DOP1A: variants seen among roughly 807,000 people sequenced by gnomAD.
DOP1A encodes DOP1 leucine zipper like protein A.
DOP1A carries 90 observed loss-of-function variants against 267.6 expected under a neutral mutation model. The ratio of observed to expected loss-of-function variants is 0.34; its 90% confidence interval spans 0.28 to 0.40. The LOEUF (loss-of-function observed/expected upper bound fraction) is 0.40. DOP1A is among the 10% of genes least tolerant of loss of function. The probability of loss-of-function intolerance (pLI) is 1.00; values close to 1 mark genes in which losing one functional copy is unlikely to be tolerated. For synonymous variants in DOP1A, 932 were observed against 999.1 expected (o/e 0.93, Z 1.27); for missense variants, 2,437 against 2,900.4 (o/e 0.84, Z 3.67).
intron 11 of DOP1A, 102 bp from the exon 12 acceptor site, chr6:83,122,761 A>G: frequency 3.7e-6 from 3 of 801,270 alleles, no homozygotes; most frequent in Non-Finnish European, 5.3e-6. Context: ...CACATTTTCT[A>G]GCAACTACCT....
chr6:83,169,477 G>C, downstream of DOP1A: 2 of 845,356 alleles, frequency 2.4e-6, no homozygotes, highest in Non-Finnish European at 1.8e-6. Flanking sequence ...TCATCTTTCA[G>C]TAACAAATTC....
intron 24 of DOP1A, among the ~76,000 whole-genome samples, chr6:83,144,054 A>G (rs1389417615): frequency 2.6e-5 from 4 of 152,240 alleles, no homozygotes; most frequent in Non-Finnish European, 5.9e-5. Flanking sequence ...CCATAATTCT[A>G]TCTCCAGCCA....
Position 83,140,343 on chromosome 6 carries a change from A to G in DOP1A, c.5355A>G (p.Ser1785=). The G allele has an allele frequency of 1.2e-6, 2 of 1,613,366 alleles. No homozygotes were observed. The highest frequency in any genetic ancestry group is 2.2e-5 in the South Asian group (2 of 91,034). Residue 1785 remains serine (S), a synonymous_variant, in exon 23 of 39, where the codon TCA becomes TCG. Coordinates refer to ENST00000349129, the MANE Select transcript of DOP1A (RefSeq NM_015018.4). ...GCATACTGCATCAAGCTGATTCTTC[A>G]GAAAAGATGACTATTGCCGCATCCG... The part of the protein sequence containing the change: ...LWSILHQADS[S]EKMTIAASAS...
intron 5 of DOP1A, 35 bp downstream of exon 5, chr6:83,109,115 G>A: frequency 1.3e-6 from 2 of 1,589,838 alleles, no homozygotes; most frequent in Non-Finnish European, 1.7e-6. Flanking sequence ...TGTAATTGAA[G>A]TCATGGATTT....
At chr6:83,135,549 T>C (rs934570113) in intron 19 of DOP1A, 70 bp from the exon 20 acceptor site, 40 of 1,451,958 alleles carry the variant, frequency 2.8e-5, no homozygotes, top group Non-Finnish European at 2.8e-6. Context: ...ACAGAATTTA[T>C]TAATTTTATA....
intron 27 of DOP1A, among the ~76,000 whole-genome samples, chr6:83,150,059 C>T (rs981562573): frequency 2.0e-5 from 3 of 152,162 alleles, no homozygotes; most frequent in Non-Finnish European, 4.4e-5. Context: ...AGTGTTGATT[C>T]TTCTTTGAGG....
In DOP1A at chr6:83,152,354, C is replaced by T. The variant is rs1781858609; in HGVS notation, c.6116C>T (p.Thr2039Ile). Reference protein sequence around the residue: ...TPSVYSVHALTLLSEVLAHLL... With the variant: ...TPSVYSVHALILLSEVLAHLL... ...TCTGTATATAGTGTCCATGCATTGA[C>T]ATTACTCTCTGAGGTAAATATTAAG... is the stretch of plus-strand genomic sequence containing the variant. Residue 2039 changes from threonine to isoleucine, a missense_variant, in exon 30 of 39, where the codon ACA becomes ATA. Around this residue, in one of 9 missense-constraint regions of DOP1A, gnomAD observed 216 missense variants for 283.3 expected, o/e 0.76. Transcript: ENST00000349129. 1 of 1,536,940 alleles carries T rather than the reference C, an allele frequency of 6.5e-7. No individual in the cohort carries two copies. The highest frequency in any genetic ancestry group is 8.8e-7 in the Non-Finnish European group (1 of 1,139,756).
chr6:83,113,361 A>T lies in DOP1A; in HGVS notation c.720A>T (p.Val240=). The T allele has an allele frequency of 6.2e-7, 1 of 1,613,886 alleles. No individual in the cohort carries two copies. Among genetic ancestry groups the T allele is most frequent in the South Asian group, 1.1e-5 (1 of 91,062 alleles). ...AVSTSVQDSS[V]LVQRSTLDLI... ...GTACTTCAGTGCAGGACTCAAGTGT[A>T]CTTGTACAGAGAAGCACACTGGACC... Residue 240 remains valine, a synonymous_variant, in exon 7 of 39, where the codon GTA becomes GTT. Coordinates refer to ENST00000349129, the MANE Select transcript of DOP1A (RefSeq NM_015018.4).
At chr6:83,112,558 G>A (rs1335110935) in intron 6 of DOP1A, among the ~76,000 whole-genome samples, 1 of 152,110 alleles carries the variant, frequency 6.6e-6, no homozygotes, top group Non-Finnish European at 1.5e-5. Flanking sequence ...CCACCTCCAG[G>A]GTTCAAGTAA....
rs1445286895 is a variant in DOP1A at position 83,139,253 on chromosome 6, TAAAG to T, written c.5120+92_5120+95del. On this transcript the variant is annotated intron_variant, in intron 21 of 38. Coordinates refer to ENST00000349129, the MANE Select transcript of DOP1A (RefSeq NM_015018.4). ...GAAAGTTGGTCACAACTTGAGTAAA[TAAAG>T]TAATGGTTTTTGGTAGGTTACAAAT... 5 of 1,001,906 alleles carry T rather than the reference TAAAG, an allele frequency of 5.0e-6. No individual in the cohort carries two copies. In the African/African-American group the frequency reaches 6.5e-5, roughly 13 times the overall value. The allele number at this position is 1,001,906 out of a possible 1,614,324, so 62.1% of individuals were successfully genotyped here. A position where few individuals can be genotyped will look rare whatever the true frequency, so the allele number is the denominator to read the frequency against.
chr6:83,113,814 A>G (rs1184340118), intron 7 of DOP1A, among the ~76,000 whole-genome samples: 1 of 152,214 alleles, frequency 6.6e-6, no homozygotes, highest in African/African-American at 2.4e-5. Context: ...CTATAACTTA[A>G]GAGCCACATG....
intron 30 of DOP1A, among the ~76,000 whole-genome samples, chr6:83,152,664 C>G (rs2128338813): frequency 6.8e-6 from 1 of 146,772 alleles, no homozygotes; most frequent in South Asian, 2.1e-4. Flanking sequence ...GTTGCCCAGG[C>G]TGGAGTCAAG....
chr6:83,169,112 G>T, downstream of DOP1A: 2 of 1,488,348 alleles, frequency 1.3e-6, no homozygotes, highest in Non-Finnish European at 1.8e-6. Context: ...CAGATCTAGA[G>T]ACAATCCAGT....
rs117011304 is a variant in DOP1A at position 83,077,449 on chromosome 6, G to A, written c.-147+9670G>A. On this transcript the variant is annotated intron_variant, in intron 1 of 38. Coordinates refer to ENST00000349129, the MANE Select transcript of DOP1A (RefSeq NM_015018.4). ...TTTGGGAGGCCAGGGCAGGAGGATC[G>A]TTTGAGGCCACAAGTTCAAGACCAA... Among the ~76,000 whole-genome samples the A allele has an allele frequency of 3.0e-3, 464 of 152,252 alleles. 7 individuals are homozygous for A. The East Asian group carries it at 0.036, about 12-fold the overall frequency.
rs964827210 is a variant in DOP1A at position 83,162,778 on chromosome 6, T to A, written c.6963-12T>A. 1 of 1,603,228 alleles carries A rather than the reference T, an allele frequency of 6.2e-7. No homozygotes were observed. The highest frequency in any genetic ancestry group is 8.5e-7 in the Non-Finnish European group (1 of 1,175,276). On this transcript the variant is annotated splice_polypyrimidine_tract_variant and intron_variant, in intron 37 of 38. Transcript: ENST00000349129. ...TGTCTTACTGATGCTGATGTCATTA[T>A]TCTATACATAGGTACCGATGGGCCT...
chr6:83,081,705 A>C (rs975571805), intron 1 of DOP1A, among the ~76,000 whole-genome samples: 1 of 152,228 alleles, frequency 6.6e-6, no homozygotes, highest in Non-Finnish European at 1.5e-5. Context: ...TATGAAATTA[A>C]AAAGCTTCTG....
At chr6:83,162,480 C>T (rs145576679) in intron 37 of DOP1A, among the ~76,000 whole-genome samples, 33 of 152,150 alleles carry the variant, frequency 2.2e-4, no homozygotes, top group African/African-American at 8.0e-4. Flanking sequence ...TATGCCTGTT[C>T]GCTAATGAGA....
chr6:83,070,335 G>A (rs867791541), intron 1 of DOP1A, among the ~76,000 whole-genome samples: 3 of 151,998 alleles, frequency 2.0e-5, no homozygotes, highest in Non-Finnish European at 2.9e-5. Flanking sequence ...TTTAACTGGC[G>A]GTTTCCCTTT....
chr6:83,120,885 G>C, intron 10 of DOP1A, 94 bp downstream of exon 10: 1 of 943,238 alleles, frequency 1.1e-6, no homozygotes, highest in South Asian at 3.1e-5. Flanking sequence ...GTTATATTTT[G>C]AGGTGGCCTT....
Sources: allele counts gnomAD v4.1 joint callset (sites outside exome capture counted in the v4.1 genomes callset), GRCh38; gene constraint gnomAD v4.1.1; regional missense constraint gnomAD v4.1.1; transcripts MANE v1.5; gene names NCBI Gene and HGNC (gene_info 2026-07-23, HGNC 2026-07-21).